Variants in PPP4R1 observed in about 807,000 individuals in gnomAD.
PPP4R1 encodes protein phosphatase 4 regulatory subunit 1.
PPP4R1 carries 42 observed loss-of-function variants against 111.2 expected under a neutral mutation model. The observed-to-expected ratio is 0.38, with a 90% CI of 0.29 to 0.49. The LOEUF (loss-of-function observed/expected upper bound fraction) is 0.49, where lower values mean the gene tolerates loss of function less well. Ranked by LOEUF, PPP4R1 falls within the 20% of genes least tolerant of loss-of-function variation. The pLI is 0.97. For missense variants in PPP4R1, 1,012 were observed against 1,161.6 expected (o/e 0.87, Z 1.87); for synonymous variants, 409 against 405.5 (o/e 1.01, Z -0.10).
chr18:9,550,513 A>G lies in PPP4R1; in HGVS notation c.2292-115T>C, dbSNP rs1224153320. 4 of 1,224,650 alleles carry G rather than the reference A, an allele frequency of 3.3e-6. 1 individual carries two copies. In the East Asian group the frequency reaches 9.5e-5, roughly 29 times the overall value. 75.9% of individuals were successfully genotyped at this position (1,224,650 alleles called of 1,614,324 possible). ...ATTACTGAGCACCTGTCTCAAACAT[A>G]CGCAAAGAGGAGTGATTAAGCAGAC... On this transcript the variant is annotated intron_variant, in intron 16 of 19. Coordinates refer to ENST00000400556, the MANE Select transcript of PPP4R1 (RefSeq NM_001042388.3).
intron 2 of PPP4R1, among the ~76,000 whole-genome samples, chr18:9,604,807 A>T (rs2067451078): frequency 6.6e-6 from 1 of 152,024 alleles, no homozygotes; most frequent in South Asian, 2.1e-4. Flanking sequence ...TAAACTTTTC[A>T]TTATCTAAAA....
chr18:9,612,892 ATTTAC>A (rs1405631838), intron 2 of PPP4R1, among the ~76,000 whole-genome samples: 1 of 152,206 alleles, frequency 6.6e-6, no homozygotes, highest in East Asian at 1.9e-4. Context: ...GATGTGGTTC[ATTTAC>A]TTTAAAGATA....
intron 2 of PPP4R1, among the ~76,000 whole-genome samples, chr18:9,611,670 A>G (rs890927002): frequency 6.6e-6 from 1 of 152,266 alleles, no homozygotes; most frequent in Non-Finnish European, 1.5e-5. Context: ...TGTGCCTTCA[A>G]TGTCTGTTTT....
intron 15 of PPP4R1, among the ~76,000 whole-genome samples, chr18:9,555,817 C>T (rs957209117): frequency 2.6e-5 from 4 of 152,012 alleles, no homozygotes; most frequent in Admixed American, 2.0e-4. Context: ...CGGAGAAAAA[C>T]TATAAAGGAC....
chr18:9,597,637 G>A (rs532929310), intron 2 of PPP4R1, among the ~76,000 whole-genome samples: 64 of 152,318 alleles, frequency 4.2e-4, no homozygotes, highest in African/African-American at 1.5e-3. Flanking sequence ...AAACGCCTAA[G>A]AAGTGGCAAA....
At chr18:9,566,295 G>A (rs62087455) in intron 11 of PPP4R1, among the ~76,000 whole-genome samples, 8,441 of 152,120 alleles carry the variant, frequency 0.055, 303 homozygotes, top group Middle Eastern at 0.092. Flanking sequence ...GTCAATGCCT[G>A]GCTTCAAAGC....
chr18:9,580,017 G>A (rs751787523), intron 9 of PPP4R1, among the ~76,000 whole-genome samples: 37 of 152,058 alleles, frequency 2.4e-4, no homozygotes, highest in Non-Finnish European at 2.9e-5. Context: ...CAAATACATA[G>A]CTTCACAAAG....
chr18:9,550,534 C>G, intron 16 of PPP4R1, 136 bp from the exon 17 acceptor site: 3 of 963,604 alleles, frequency 3.1e-6, no homozygotes, highest in Non-Finnish European at 3.1e-6. Context: ...AGTGATTAAG[C>G]AGACCTCTCC....
intron 2 of PPP4R1, among the ~76,000 whole-genome samples, chr18:9,603,382 T>C (rs1329048011): frequency 6.6e-6 from 1 of 152,172 alleles, no homozygotes; most frequent in Non-Finnish European, 1.5e-5. Flanking sequence ...AGATGCCTTT[T>C]TGATAAAATG....
At chr18:9,605,980 T>C (rs957317765) in intron 2 of PPP4R1, among the ~76,000 whole-genome samples, 2 of 152,154 alleles carry the variant, frequency 1.3e-5, no homozygotes, top group Non-Finnish European at 2.9e-5. Flanking sequence ...ACTGGCAAAA[T>C]GTTAACAGCT....
intron 13 of PPP4R1, 151 bp downstream of exon 13, chr18:9,561,829 T>C (rs2066682161): frequency 3.2e-6 from 2 of 634,886 alleles, no homozygotes. Context: ...TGTTCCTCTC[T>C]CTACTACTTC....
Position 9,614,135 on chromosome 18 carries a change from C to A in PPP4R1, c.52+91G>T. On this transcript the variant is annotated intron_variant, in intron 2 of 19. Coordinates refer to ENST00000400556, the MANE Select transcript of PPP4R1 (RefSeq NM_001042388.3). This position sits in a 1 kb window ranked among gnomAD's most constrained non-coding sequence, Gnocchi z 4.1. ...CGCCCTCGCCCACCGTCCCCTCAGC[C>A]AGCCAGGGCCCGGCCCAGGCCTCGC... is the stretch of plus-strand genomic sequence containing the variant. 8.9e-7 allele frequency: 1 copy of A among 1,124,010 alleles called. No homozygotes were observed. Among genetic ancestry groups the A allele is most frequent in the East Asian group, 3.9e-5 (1 of 25,866 alleles). 69.6% of individuals were successfully genotyped at this position (1,124,010 alleles called of 1,614,324 possible). A position where few individuals can be genotyped will look rare whatever the true frequency, so the allele number is the denominator to read the frequency against.
Position 9,577,494 on chromosome 18 carries a change from G to C in PPP4R1, c.919-303C>G, listed in dbSNP as rs556310572. 7.9e-5 allele frequency among the ~76,000 whole-genome samples: 12 copies of C among 152,226 alleles called. No individual in the cohort carries two copies. The East Asian group carries it at 2.3e-3, about 29-fold the overall frequency. Reference sequence around the variant, plus strand: ...AGCCTGGGCAACATGGCGAAATCCAGTCTCTACAAAAAATACCAAAGTTAG... The same window carrying C: ...AGCCTGGGCAACATGGCGAAATCCACTCTCTACAAAAAATACCAAAGTTAG... On this transcript the variant is annotated intron_variant, in intron 9 of 19. Coordinates refer to ENST00000400556, the MANE Select transcript of PPP4R1 (RefSeq NM_001042388.3).
intron 10 of PPP4R1, among the ~76,000 whole-genome samples, chr18:9,572,291 T>C (rs1333103136): frequency 6.6e-6 from 1 of 152,090 alleles, no homozygotes; most frequent in East Asian, 1.9e-4. Flanking sequence ...CACAACTGCA[T>C]AGAATAACAA....
intron 2 of PPP4R1, among the ~76,000 whole-genome samples, chr18:9,606,900 C>T (rs1248268490): frequency 6.6e-6 from 1 of 152,146 alleles, no homozygotes; most frequent in Non-Finnish European, 1.5e-5. Flanking sequence ...TTTCTTTGCA[C>T]TCTTAACGCA....
At chr18:9,564,697 G>GGTGTGTGTGT (rs1178823297) in intron 11 of PPP4R1, among the ~76,000 whole-genome samples, 2,244 of 93,446 alleles carry the variant, frequency 0.024, 30 homozygotes, top group Admixed American at 0.059. Flanking sequence ...TAAAGTGCAT[G>GGTGTGTGTGT]GTGTGTGTGT....
chr18:9,588,819 C>T lies in PPP4R1; in HGVS notation c.330G>A (p.Val110=). ...CTTGACAAAACAGTGCGATGTGAGG[C>T]ACCTGTTCCATCAGCTCCGCTCTCA... ...PTVRAELMEQ[V]PHIALFCQEN... Residue 110 remains valine, a synonymous_variant, in exon 5 of 20, where the codon GTG becomes GTA. Coordinates refer to ENST00000400556, the MANE Select transcript of PPP4R1 (RefSeq NM_001042388.3). The T allele has an allele frequency of 6.2e-6, 10 of 1,613,968 alleles. No homozygotes were observed. The highest frequency in any genetic ancestry group is 7.6e-6 in the Non-Finnish European group (9 of 1,179,950).
chr18:9,567,054 T>C (rs1209130674), intron 11 of PPP4R1, among the ~76,000 whole-genome samples: 2 of 152,196 alleles, frequency 1.3e-5, no homozygotes, highest in Admixed American at 6.5e-5. Flanking sequence ...TGTAAAGTTA[T>C]AGCTGCCATA....
At chr18:9,617,054 G>T (rs1713301227), upstream of PPP4R1, 1 of 152,124 alleles carries the variant, frequency 6.6e-6, no homozygotes, top group African/African-American at 2.4e-5. Flanking sequence ...TTTACAAACT[G>T]CACTCTGTCC....
Sources: allele counts gnomAD v4.1 joint callset (sites outside exome capture counted in the v4.1 genomes callset), GRCh38; gene constraint gnomAD v4.1.1; non-coding constraint Gnocchi (gnomAD v3.1); transcripts MANE v1.5; gene names NCBI Gene and HGNC (gene_info 2026-07-23, HGNC 2026-07-21).